Variants in TENM4 observed in about 807,000 individuals in gnomAD.
TENM4 encodes teneurin-4.
A neutral mutation model predicts 243.3 loss-of-function variants in TENM4; 82 were observed. That is an observed-to-expected ratio of 0.34 (90% CI 0.28 to 0.40). The LOEUF (loss-of-function observed/expected upper bound fraction) is 0.40, where lower values mean the gene tolerates loss of function less well. TENM4 is among the 10% of genes least tolerant of loss of function. The pLI, the probability that TENM4 is intolerant of heterozygous loss-of-function variation, is 1.00. For synonymous variants in TENM4, 1,412 were observed against 1,456.3 expected (o/e 0.97, Z 0.69); for missense variants, 3,138 against 3,673.3 (o/e 0.85, Z 3.77).
At chr11:78,830,527 C>T (rs540519499) in intron 12 of TENM4, among the ~76,000 whole-genome samples, 3 of 152,236 alleles carry the variant, frequency 2.0e-5, no homozygotes, top group African/African-American at 7.2e-5. Context: ...CAGACTCCCC[C>T]CTGCTGAGCC....
chr11:79,079,890 G>GTCAGCTGAT (rs1297047626), intron 4 of TENM4, among the ~76,000 whole-genome samples: 2 of 151,204 alleles, frequency 1.3e-5, no homozygotes, highest in African/African-American at 4.9e-5. Context: ...AACATCAAAG[G>GTCAGCTGAT]TCAGCTGATT....
intron 20 of TENM4, among the ~76,000 whole-genome samples, chr11:78,734,978 G>A (rs1855754697): frequency 6.6e-6 from 1 of 152,214 alleles, no homozygotes; most frequent in Admixed American, 6.5e-5. Context: ...TGGTGTGAGA[G>A]ACCTCAATGC....
At chr11:79,150,862 C>G (rs1019049318) in intron 3 of TENM4, among the ~76,000 whole-genome samples, 6 of 152,206 alleles carry the variant, frequency 3.9e-5, no homozygotes, top group Middle Eastern at 3.4e-3. Context: ...AAGGGCATAC[C>G]AATCACTGTG....
chr11:79,071,405 C>T (rs907636565), intron 4 of TENM4, among the ~76,000 whole-genome samples: 1 of 151,934 alleles, frequency 6.6e-6, no homozygotes, highest in East Asian at 1.9e-4. Flanking sequence ...CAGGGTGGGG[C>T]CTTGACAGCT....
intron 2 of TENM4, among the ~76,000 whole-genome samples, chr11:79,282,413 A>G (rs1444425969): frequency 6.6e-6 from 1 of 152,230 alleles, no homozygotes; most frequent in African/African-American, 2.4e-5. Flanking sequence ...ACTGCTGAAT[A>G]AATGAATGGC....
At chr11:79,179,370 A>C (rs1863237156) in intron 3 of TENM4, among the ~76,000 whole-genome samples, 1 of 152,214 alleles carries the variant, frequency 6.6e-6, no homozygotes, top group East Asian at 1.9e-4. Context: ...TACTGTCTAT[A>C]TCTGCTTTCA....
At chr11:79,134,667 G>C (rs561166143) in intron 4 of TENM4, among the ~76,000 whole-genome samples, 1 of 152,250 alleles carries the variant, frequency 6.6e-6, no homozygotes, top group South Asian at 2.1e-4. Flanking sequence ...CAACGGAACA[G>C]AATAGAGAAC....
chr11:78,794,021 TTTTG>T (rs1857111852), intron 15 of TENM4, among the ~76,000 whole-genome samples: 1 of 152,208 alleles, frequency 6.6e-6, no homozygotes, highest in African/African-American at 2.4e-5. Flanking sequence ...GCACTTTTCC[TTTTG>T]TTTGTCTGTT....
intron 19 of TENM4, among the ~76,000 whole-genome samples, chr11:78,754,545 G>A (rs902312076): frequency 6.6e-6 from 1 of 151,712 alleles, no homozygotes; most frequent in African/African-American, 2.4e-5. Flanking sequence ...TCCAATAATG[G>A]GCCCCGTAAA....
At chr11:79,250,600 T>C (rs1176406866) in intron 2 of TENM4, among the ~76,000 whole-genome samples, 1 of 152,250 alleles carries the variant, frequency 6.6e-6, no homozygotes, top group African/African-American at 2.4e-5. Flanking sequence ...TAATGGAGGA[T>C]GCCTGGTTTC....
intron 28 of TENM4, 24 bp downstream of exon 28, chr11:78,701,502 A>C (rs150797779): frequency 9.5e-4 from 1,454 of 1,538,202 alleles, no homozygotes; most frequent in Non-Finnish European, 1.0e-3. Flanking sequence ...CAAAATCATC[A>C]AATGGCCTTG....
chr11:79,137,910 C>T (rs770445904), intron 4 of TENM4, among the ~76,000 whole-genome samples: 1 of 151,926 alleles, frequency 6.6e-6, no homozygotes, highest in Non-Finnish European at 1.5e-5. Flanking sequence ...TTCAGGTTGA[C>T]AAGGGGTGGA....
At chr11:78,856,283 C>T in intron 10 of TENM4, 105 bp from the exon 11 acceptor site, 1 of 986,494 alleles carries the variant, frequency 1.0e-6, no homozygotes, top group East Asian at 2.6e-5. Flanking sequence ...GCCTCACATC[C>T]TTCTCTATAA....
intron 6 of TENM4, among the ~76,000 whole-genome samples, chr11:78,956,863 A>C (rs902417591): frequency 7.2e-5 from 11 of 152,220 alleles, no homozygotes; most frequent in Non-Finnish European, 1.2e-4. Flanking sequence ...TGATTACTGC[A>C]GGAGTGTTAG....
intron 6 of TENM4, among the ~76,000 whole-genome samples, chr11:78,976,877 C>A (rs865888500): frequency 6.6e-6 from 1 of 152,290 alleles, no homozygotes; most frequent in Admixed American, 6.5e-5. Context: ...TAAGCATTTG[C>A]CAAATACCTT....
chr11:79,154,384 C>T lies in TENM4; in HGVS notation c.-162-5578G>A, dbSNP rs1182799919. On this transcript the variant is annotated intron_variant, in intron 3 of 33. Transcript: ENST00000278550. ...TCACTCATTACCATGAAGAGAGCAC[C>T]AAACCATTCATGACAGATCTGTCCC... is the stretch of plus-strand genomic sequence containing the variant. 4.6e-5 allele frequency among the ~76,000 whole-genome samples: 7 copies of T among 152,024 alleles called. No individual in the cohort carries two copies. In the South Asian group the frequency reaches 1.5e-3, roughly 32 times the overall value.
intron 22 of TENM4, among the ~76,000 whole-genome samples, chr11:78,729,077 AT>A (rs572060468): frequency 8.7e-4 from 132 of 152,176 alleles, no homozygotes; most frequent in African/African-American, 2.8e-3. Context: ...TGGCCAGGCA[AT>A]GTCCACCTGG....
chr11:78,727,215 G>A (rs1043971313), intron 22 of TENM4, among the ~76,000 whole-genome samples: 6 of 152,168 alleles, frequency 3.9e-5, no homozygotes, highest in Non-Finnish European at 8.8e-5. Context: ...TTGGGAGGCC[G>A]AGGCGGGCGG....
chr11:79,374,673 G>A (rs1590920460), intron 1 of TENM4, among the ~76,000 whole-genome samples: 1 of 152,134 alleles, frequency 6.6e-6, no homozygotes, highest in African/African-American at 2.4e-5. Flanking sequence ...TGTTTTATAT[G>A]AGGATCCTAG....
Sources: gnomAD v4.1 joint callset for allele counts (sites outside exome capture counted in the v4.1 genomes callset) on GRCh38, gnomAD v4.1.1 for gene constraint, MANE v1.5 for transcripts, NCBI Gene and HGNC (gene_info 2026-07-23, HGNC 2026-07-21) for gene names.